The following POTEJ variants were observed in gnomAD, a reference collection of about 807,000 sequenced individuals.
The protein encoded by POTEJ is POTE ankyrin domain family, member J.
In POTEJ, 11 loss-of-function variants were observed where a neutral mutation model predicts 69.0. That is an observed-to-expected ratio of 0.16 (90% CI 0.10 to 0.26). The LOEUF (loss-of-function observed/expected upper bound fraction) is 0.26. Among genes scored for constraint, POTEJ ranks in the 10% least tolerant of loss-of-function variants. POTEJ has a pLI of 1.00. For synonymous variants in POTEJ, 117 were observed against 381.1 expected, an observed-to-expected ratio of 0.31 and a Z score of 8.07; for missense variants, 327 against 1,045.5, an observed-to-expected ratio of 0.31 and a Z score of 9.48.
intron 6 of POTEJ, among the ~76,000 whole-genome samples, chr2:130,626,793 A>T (rs548815062): frequency 2.0e-4 from 30 of 152,294 alleles, no homozygotes; most frequent in Admixed American, 4.6e-4. Flanking sequence ...ACATAAAGTT[A>T]GGAATCTCAA....
intron 5 of POTEJ, 129 bp from the exon 6 acceptor site, chr2:130,623,935 G>T: frequency 1.8e-6 from 1 of 552,244 alleles, no homozygotes. Flanking sequence ...ACTCATAAGT[G>T]GATGGGATAA....
At chr2:130,629,611 C>A (rs1238987078) in intron 6 of POTEJ, among the ~76,000 whole-genome samples, 3 of 150,508 alleles carry the variant, frequency 2.0e-5, no homozygotes, top group Non-Finnish European at 4.4e-5. Flanking sequence ...CTCTTTAAAA[C>A]TAAATTTCCT....
intron 10 of POTEJ, among the ~76,000 whole-genome samples, chr2:130,643,526 A>G (rs1199350538): frequency 2.1e-5 from 3 of 143,804 alleles, no homozygotes; most frequent in South Asian, 4.3e-4. Flanking sequence ...ATTAAAAAAA[A>G]AAAAAGAAAA....
intron 10 of POTEJ, among the ~76,000 whole-genome samples, chr2:130,639,400 T>G (rs1396968620): frequency 6.6e-6 from 1 of 152,306 alleles, no homozygotes; most frequent in African/African-American, 2.4e-5. Context: ...TTGAAAGAGA[T>G]GCATTTACTT....
chr2:130,656,055 G>C (rs1405498839), intron 14 of POTEJ, among the ~76,000 whole-genome samples: 1 of 144,954 alleles, frequency 6.9e-6, no homozygotes, highest in African/African-American at 2.6e-5. Context: ...ATGTTCTTCA[G>C]TAAAAGAACT....
intron 10 of POTEJ, among the ~76,000 whole-genome samples, chr2:130,643,299 G>C (rs1383808009): frequency 9.4e-5 from 13 of 137,794 alleles, no homozygotes; most frequent in African/African-American, 3.5e-4. Context: ...TTTCAGAGGG[G>C]ATCACGAGGT....
intron 13 of POTEJ, among the ~76,000 whole-genome samples, chr2:130,649,678 A>G (rs1254164296): frequency 6.6e-5 from 10 of 151,974 alleles, no homozygotes; most frequent in Non-Finnish European, 1.3e-4. Flanking sequence ...GCAGTAAACC[A>G]TCTGGCATGT....
intron 9 of POTEJ, among the ~76,000 whole-genome samples, chr2:130,637,416 T>A (rs560521210): frequency 0.011 from 1,672 of 150,258 alleles, 4 homozygotes; most frequent in Middle Eastern, 0.017. Flanking sequence ...CATGCATTTC[T>A]CCTGCCTCAG....
chr2:130,625,448 G>C, intron 6 of POTEJ, among the ~76,000 whole-genome samples: 1 of 151,900 alleles, frequency 6.6e-6, no homozygotes, highest in East Asian at 1.9e-4. Context: ...ATGCCCACTG[G>C]AAGCTTATAA....
chr2:130,642,745 G>A (rs1385538746), intron 10 of POTEJ, among the ~76,000 whole-genome samples: 20 of 152,342 alleles, frequency 1.3e-4, no homozygotes, highest in Middle Eastern at 6.8e-3. Context: ...CCTGTCTCTG[G>A]CATTACTGAG....
intron 10 of POTEJ, among the ~76,000 whole-genome samples, chr2:130,639,605 A>T (rs1573987972): frequency 6.6e-6 from 1 of 152,310 alleles, no homozygotes; most frequent in East Asian, 1.9e-4. Flanking sequence ...TGCTACCTGG[A>T]TGTGGACACC....
At chr2:130,630,630 G>A (rs1235662727) in intron 7 of POTEJ, among the ~76,000 whole-genome samples, 1 of 141,330 alleles carries the variant, frequency 7.1e-6, no homozygotes, top group Non-Finnish European at 1.5e-5. Flanking sequence ...AGGGAACCAG[G>A]TCATAAAAGC....
chr2:130,624,033 G>A, intron 5 of POTEJ, 31 bp from the exon 6 acceptor site: 1 of 1,471,250 alleles, frequency 6.8e-7, no homozygotes, highest in South Asian at 1.2e-5. Flanking sequence ...TATTAAAATA[G>A]TAATTTGGTT....
chr2:130,636,316 C>A (rs1310871886), intron 9 of POTEJ, among the ~76,000 whole-genome samples: 1 of 152,198 alleles, frequency 6.6e-6, no homozygotes, highest in East Asian at 1.9e-4. Flanking sequence ...CAATTGGGAG[C>A]ATACAAGGAA....
intron 9 of POTEJ, among the ~76,000 whole-genome samples, chr2:130,636,333 C>G (rs1327478516): frequency 1.3e-5 from 2 of 152,040 alleles, no homozygotes; most frequent in East Asian, 3.9e-4. Flanking sequence ...GGAATGCTCT[C>G]TAAGGTAATC....
chr2:130,657,527 G>A lies in POTEJ; in HGVS notation c.2767G>A (p.Ala923Thr), dbSNP rs760699246. The A allele has an allele frequency of 1.9e-6, 3 of 1,566,906 alleles. No individual in the cohort carries two copies. Among genetic ancestry groups the A allele is most frequent in the African/African-American group, 1.5e-5 (1 of 65,394 alleles). Reference protein sequence around the residue: ...ISNEWFRCPEALFQPCFLGME... With the variant: ...ISNEWFRCPETLFQPCFLGME... ...CAACGAGTGGTTCCGCTGCCCCGAG[G>A]CGCTCTTCCAGCCTTGCTTCCTGGG... The change falls in exon 15 of 15, where the codon GCG becomes ACG. Residue 923 changes from alanine to threonine, a missense_variant. Coordinates refer to ENST00000409602, the MANE Select transcript of POTEJ (RefSeq NM_001277083.2).
At chr2:130,618,774 CTTTTTTTTTTTT>C (rs1204750696) in intron 3 of POTEJ, among the ~76,000 whole-genome samples, 1 of 32,208 alleles carries the variant, frequency 3.1e-5, no homozygotes, top group African/African-American at 2.1e-4. Flanking sequence ...ATTAATCTGA[CTTTTTTTTTTTT>C]TTTTTTTTTT....
intron 9 of POTEJ, among the ~76,000 whole-genome samples, chr2:130,637,191 T>A (rs1686126623): frequency 6.6e-6 from 1 of 151,426 alleles, no homozygotes; most frequent in Non-Finnish European, 1.5e-5. Flanking sequence ...TTGTTTATAT[T>A]AATTTTTTTA....
At chr2:130,637,011 G>T (rs538346934) in intron 9 of POTEJ, among the ~76,000 whole-genome samples, 1 of 147,030 alleles carries the variant, frequency 6.8e-6, no homozygotes, top group East Asian at 1.9e-4. Context: ...CCCGGGAGGC[G>T]GAGCTTGCAG....
Sources: allele counts gnomAD v4.1 joint callset (sites outside exome capture counted in the v4.1 genomes callset), GRCh38; gene constraint gnomAD v4.1.1; transcripts MANE v1.5; gene names NCBI Gene and HGNC (gene_info 2026-07-23, HGNC 2026-07-21).